PPP1R37: variants seen among roughly 807,000 people sequenced by gnomAD.
PPP1R37 encodes protein phosphatase 1 regulatory subunit 37, also known as leucine rich repeat containing 68.
PPP1R37 carries 21 observed loss-of-function variants against 61.0 expected under a neutral mutation model. That is an observed-to-expected ratio of 0.34 (90% CI 0.24 to 0.50). The LOEUF is 0.50. Ranked by LOEUF, PPP1R37 falls within the 20% of genes least tolerant of loss-of-function variation. The pLI, the probability that PPP1R37 is intolerant of heterozygous loss-of-function variation, is 0.98. For synonymous variants in PPP1R37, 443 were observed against 433.5 expected (o/e 1.02, Z -0.27); for missense variants, 910 against 952.7 (o/e 0.96, Z 0.59).
At chr19:45,135,779 CTTTTTTTTTT>C (rs546534256) in intron 1 of PPP1R37, among the ~76,000 whole-genome samples, 10 of 128,840 alleles carry the variant, frequency 7.8e-5, no homozygotes, top group Non-Finnish European at 1.1e-4. Flanking sequence ...TTTGCATTTC[CTTTTTTTTTT>C]TTTTTTTTTG....
At chr19:45,112,332 GGGC>G (rs1968212425) in intron 1 of PPP1R37, among the ~76,000 whole-genome samples, 1 of 152,208 alleles carries the variant, frequency 6.6e-6, no homozygotes, top group Non-Finnish European at 1.5e-5. Flanking sequence ...ATTTCACCTG[GGGC>G]GTGAGCAAGA....
Position 45,143,554 on chromosome 19 carries a change from A to G in PPP1R37, c.908A>G (p.Gln303Arg). Residue 303 changes from glutamine to arginine, a missense_variant, in exon 8 of 13, where the codon CAG (glutamine) becomes CGG (arginine). Coordinates refer to ENST00000221462, the MANE Select transcript of PPP1R37 (RefSeq NM_019121.2). ...LAYICEGLKE[Q>R]RKGLVTLVLW... ...TACATCTGCGAGGGCCTCAAGGAGC[A>G]GAGGAAGGGGCTGGTGACCCTGGTG... The G allele has an allele frequency of 6.5e-7, 1 of 1,535,784 alleles. No homozygotes were observed.
intron 2 of PPP1R37, among the ~76,000 whole-genome samples, chr19:45,139,035 TCCC>T (rs1010841827): frequency 3.0e-4 from 44 of 146,128 alleles, no homozygotes; most frequent in Non-Finnish European, 5.5e-4. Flanking sequence ...TGCCTCAGCC[TCCC>T]AAGTAGCTGG....
intron 1 of PPP1R37, among the ~76,000 whole-genome samples, chr19:45,107,729 G>T (rs1417153543): frequency 6.6e-6 from 1 of 152,248 alleles, no homozygotes; most frequent in Non-Finnish European, 1.5e-5. Context: ...TTTTCAGCGT[G>T]TAATGCCAGT....
intron 1 of PPP1R37, among the ~76,000 whole-genome samples, chr19:45,109,863 G>T (rs1364114491): frequency 6.6e-6 from 1 of 152,162 alleles, no homozygotes; most frequent in Non-Finnish European, 1.5e-5. Context: ...ACCTGCATCT[G>T]CAGCCTCAGC....
At chr19:45,097,732 G>A (rs1003752958) in intron 1 of PPP1R37, among the ~76,000 whole-genome samples, 1 of 152,018 alleles carries the variant, frequency 6.6e-6, no homozygotes, top group African/African-American at 2.4e-5. Context: ...TTCTTCTGTT[G>A]TGTGCTTGTT....
chr19:45,142,027 C>A lies in PPP1R37; in HGVS notation c.568-34C>A, dbSNP rs1276126530. The A allele has an allele frequency of 2.4e-5, 35 of 1,471,310 alleles. No individual in the cohort carries two copies. In the Admixed American group the frequency reaches 4.4e-4, roughly 19 times the overall value. The allele number at this position is 1,471,310 out of a possible 1,614,324, so 91.1% of individuals were successfully genotyped here. A position where few individuals can be genotyped will look rare whatever the true frequency, so the allele number is the denominator to read the frequency against. On this transcript the variant is annotated intron_variant, in intron 5 of 12. Coordinates refer to ENST00000221462, the MANE Select transcript of PPP1R37 (RefSeq NM_019121.2). ...CAGGGAGTGCTGGGGCAGGCCTGAGCCAGTGCCTCACCCCTGTCCTCTTGC... is the reference window on the plus strand; with the variant it reads ...CAGGGAGTGCTGGGGCAGGCCTGAGACAGTGCCTCACCCCTGTCCTCTTGC...
At chr19:45,103,845 G>A (rs943949265) in intron 1 of PPP1R37, among the ~76,000 whole-genome samples, 3 of 152,070 alleles carry the variant, frequency 2.0e-5, no homozygotes, top group African/African-American at 7.2e-5. Context: ...ACAGGTAGTA[G>A]AGGAGGAGCT....
chr19:45,114,119 T>A (rs998540765), intron 1 of PPP1R37, among the ~76,000 whole-genome samples: 1 of 152,242 alleles, frequency 6.6e-6, no homozygotes, highest in Admixed American at 6.5e-5. Flanking sequence ...TCAGTCTCAG[T>A]CTCATTGGCT....
intron 1 of PPP1R37, among the ~76,000 whole-genome samples, chr19:45,131,307 A>T (rs1174032417): frequency 6.6e-6 from 1 of 151,994 alleles, no homozygotes; most frequent in Non-Finnish European, 1.5e-5. Flanking sequence ...GCACAGCAGC[A>T]TCTCTCCCTG....
rs115570914 is a variant in PPP1R37 at position 45,129,823 on chromosome 19, A to G, written c.203-8691A>G. On this transcript the variant is annotated intron_variant, in intron 1 of 12. Transcript: ENST00000221462. Reference sequence around the variant, plus strand: ...AGGAGCGGGGAGGGGTCCTGCCCCCATGGGCTTTACCCTTCCCTGCGGTCT... The same window carrying G: ...AGGAGCGGGGAGGGGTCCTGCCCCCGTGGGCTTTACCCTTCCCTGCGGTCT... Among the ~76,000 whole-genome samples the G allele has an allele frequency of 8.5e-3, 1,300 of 152,284 alleles. 9 individuals carry two copies. Among genetic ancestry groups the G allele is most frequent in the African/African-American group, 0.019 (806 of 41,556 alleles).
At chr19:45,137,290 GCAGCA>G (rs991596562) in intron 1 of PPP1R37, among the ~76,000 whole-genome samples, 1 of 152,174 alleles carries the variant, frequency 6.6e-6, no homozygotes, top group African/African-American at 2.4e-5. Flanking sequence ...CAAACACAAC[GCAGCA>G]CATCCTATAA....
chr19:45,093,192 A>T lies in PPP1R37; in HGVS notation c.-134A>T. 1.4e-6 allele frequency: 1 copy of T among 717,456 alleles called. No homozygotes were observed. The highest frequency in any genetic ancestry group is 2.0e-6 in the Non-Finnish European group (1 of 497,700). 44.4% of individuals were successfully genotyped at this position (717,456 alleles called of 1,614,324 possible). A position where few individuals can be genotyped will look rare whatever the true frequency, so the allele number is the denominator to read the frequency against. ...GCTCCCGGCGGCGACGACTACGACC[A>T]CTAGGAGAGCGGACGGAGGCGGCGC... On this transcript the variant is annotated 5_prime_UTR_variant, in exon 1 of 13. Coordinates refer to ENST00000221462, the MANE Select transcript of PPP1R37 (RefSeq NM_019121.2).
Position 45,121,713 on chromosome 19 carries a change from C to T in PPP1R37, c.203-16801C>T, listed in dbSNP as rs1290446286. Among the ~76,000 whole-genome samples the T allele has an allele frequency of 6.6e-6, 1 of 152,208 alleles. No individual in the cohort carries two copies. The highest frequency in any genetic ancestry group is 2.4e-5 in the African/African-American group (1 of 41,454). ...GCCTCTGGATGCCCGCGGTGGGGTG[C>T]TGGGGCCTCCACGGGCGTCATTCTG... is the stretch of plus-strand genomic sequence containing the variant. On this transcript the variant is annotated intron_variant, in intron 1 of 12. Coordinates refer to ENST00000221462, the MANE Select transcript of PPP1R37 (RefSeq NM_019121.2). The surrounding 1 kb of genome is among the most constrained non-coding windows in gnomAD (Gnocchi z 4.2).
In PPP1R37 at chr19:45,146,579, T is replaced by C; in HGVS notation, c.*17T>C. On this transcript the variant is annotated 3_prime_UTR_variant, in exon 13 of 13. Transcript: ENST00000221462. The stretch of plus-strand genomic sequence containing the variant: ...AATCTCTCCTCCCCAAGTTCCCTTT[T>C]TCCGGTCGGTCTGCGATGAGCTGAG... 1 of 871,008 alleles carries C rather than the reference T, an allele frequency of 1.1e-6. No homozygotes were observed. 54.0% of individuals were successfully genotyped at this position (871,008 alleles called of 1,614,324 possible). A position where few individuals can be genotyped will look rare whatever the true frequency, so the allele number is the denominator to read the frequency against.
Position 45,143,688 on chromosome 19 carries a change from C to T in PPP1R37, c.987+55C>T, listed in dbSNP as rs1202165342. 8 of 1,043,138 alleles carry T rather than the reference C, an allele frequency of 7.7e-6. No individual in the cohort carries two copies. In the East Asian group the frequency reaches 2.1e-4, roughly 27 times the overall value. The allele number at this position is 1,043,138 out of a possible 1,614,324, so 64.6% of individuals were successfully genotyped here. Reference sequence around the variant, plus strand: ...CCTCGGTCCCCGCTGCCACCTCCCACTCCAGCTCTCAGCACAGTTGCCTCT... The same window carrying T: ...CCTCGGTCCCCGCTGCCACCTCCCATTCCAGCTCTCAGCACAGTTGCCTCT... On this transcript the variant is annotated intron_variant, in intron 8 of 12. Coordinates refer to ENST00000221462, the MANE Select transcript of PPP1R37 (RefSeq NM_019121.2).
chr19:45,146,027 G>A lies in PPP1R37; in HGVS notation c.1971G>A (p.Gly657=). Residue 657 remains glycine, a synonymous_variant, in exon 11 of 13, where the codon GGG becomes GGA. Transcript: ENST00000221462. ...PEPPPGPEVK[G]GSCGLEHELS... is the part of the protein sequence containing the mutation. ...CGCCCCCGGGGCCTGAGGTCAAGGG[G>A]GGCAGCTGCGGCCTGGAGCACGGTG... The A allele has an allele frequency of 6.5e-7, 1 of 1,531,270 alleles. No homozygotes were observed. The highest frequency in any genetic ancestry group is 1.4e-5 in the African/African-American group (1 of 73,016). The allele number at this position is 1,531,270 out of a possible 1,614,324, so 94.9% of individuals were successfully genotyped here.
At position 45,142,072 on chromosome 19, in the gene PPP1R37, G is replaced by C; in HGVS notation, c.579G>C (p.Leu193=). 6.6e-7 allele frequency: 1 copy of C among 1,521,608 alleles called. No individual in the cohort carries two copies. The highest frequency in any genetic ancestry group is 8.8e-7 in the Non-Finnish European group (1 of 1,138,592). The allele number at this position is 1,521,608 out of a possible 1,614,324, so 94.3% of individuals were successfully genotyped here. Residue 193 remains leucine, a synonymous_variant, in exon 6 of 13, where the codon CTG becomes CTC. Transcript: ENST00000221462. ...AAHMMRKTSC[L]QYLDARNTPL... ...TCTTGCCCCTGCAGACGAGCTGCCTGCAGTATCTGGACGCCCGCAACACGC... is the reference window on the plus strand; with the variant it reads ...TCTTGCCCCTGCAGACGAGCTGCCTCCAGTATCTGGACGCCCGCAACACGC...
chr19:45,095,221 T>G (rs1431943399), intron 1 of PPP1R37, among the ~76,000 whole-genome samples: 3 of 152,170 alleles, frequency 2.0e-5, no homozygotes, highest in Non-Finnish European at 2.9e-5. Context: ...GGAGTCTCCC[T>G]CTGTCGCCCA....
Sources: allele counts gnomAD v4.1 joint callset (sites outside exome capture counted in the v4.1 genomes callset), GRCh38; gene constraint gnomAD v4.1.1; non-coding constraint Gnocchi (gnomAD v3.1); transcripts MANE v1.5; gene names NCBI Gene and HGNC (gene_info 2026-07-23, HGNC 2026-07-21).